The following DACH1 variants were observed in gnomAD, a reference collection of about 807,000 sequenced individuals.
DACH1 encodes dachshund homolog 1.
A neutral mutation model predicts 54.2 loss-of-function variants in DACH1; 12 were observed. The observed-to-expected ratio is 0.22, with a 90% CI of 0.14 to 0.36. The LOEUF (loss-of-function observed/expected upper bound fraction) is 0.36, where lower values mean the gene tolerates loss of function less well. DACH1 is among the 10% of genes least tolerant of loss of function. The probability of loss-of-function intolerance (pLI) is 1.00; values close to 1 mark genes in which losing one functional copy is unlikely to be tolerated. For missense variants in DACH1, 805 were observed against 929.8 expected (o/e 0.87, Z 1.75); for synonymous variants, 386 against 366.2 (o/e 1.05, Z -0.62).
intron 6 of DACH1, among the ~76,000 whole-genome samples, chr13:71,527,531 G>A (rs1882074599): frequency 6.6e-6 from 1 of 152,172 alleles, no homozygotes; most frequent in African/African-American, 2.4e-5. Context: ...TCTTATTTGA[G>A]TCTAAGTGAC....
At chr13:71,735,056 G>T (rs1045917236) in intron 1 of DACH1, among the ~76,000 whole-genome samples, 1 of 150,142 alleles carries the variant, frequency 6.7e-6, no homozygotes, top group Admixed American at 6.7e-5. Context: ...ACGTATATGG[G>T]TGATACATAT....
chr13:71,448,634 T>C lies in DACH1; in HGVS notation c.2084-7942A>G, dbSNP rs901472381. On this transcript the variant is annotated intron_variant, in intron 10 of 10. Coordinates refer to ENST00000613252, the MANE Select transcript of DACH1 (RefSeq NM_080759.6). ...CAAAGTCTACATTAAACATGAGAAA[T>C]ATTTTAGTGAGACTGATGTTCTGCA... Among the ~76,000 whole-genome samples, 21 of 152,314 alleles carry C rather than the reference T, an allele frequency of 1.4e-4. 1 individual carries two copies. Among genetic ancestry groups the C allele is most frequent in the African/African-American group, 5.1e-4 (21 of 41,576 alleles).
intron 2 of DACH1, among the ~76,000 whole-genome samples, chr13:71,670,041 C>G (rs1880116794): frequency 1.3e-5 from 2 of 150,898 alleles, no homozygotes; most frequent in Admixed American, 6.6e-5. Flanking sequence ...AAAAAAAAGT[C>G]CATGGTATTC....
chr13:71,772,495 A>C (rs1885899007), intron 1 of DACH1, among the ~76,000 whole-genome samples: 1 of 151,748 alleles, frequency 6.6e-6, no homozygotes, highest in Non-Finnish European at 1.5e-5. Context: ...AGGGATTAAA[A>C]TATAGCTTGC....
intron 1 of DACH1, among the ~76,000 whole-genome samples, chr13:71,761,229 T>C (rs1214849653): frequency 6.6e-6 from 1 of 152,202 alleles, no homozygotes. Context: ...TTTCTTAAAT[T>C]ATTACTTTAT....
intron 1 of DACH1, among the ~76,000 whole-genome samples, chr13:71,837,027 C>A (rs1223799247): frequency 6.6e-6 from 1 of 151,902 alleles, no homozygotes; most frequent in Non-Finnish European, 1.5e-5. Flanking sequence ...TACACACACA[C>A]AATTCTGAGG....
At chr13:71,737,961 G>GT (rs1277551524) in intron 1 of DACH1, among the ~76,000 whole-genome samples, 1 of 152,154 alleles carries the variant, frequency 6.6e-6, no homozygotes, top group African/African-American at 2.4e-5. Context: ...GATAAGCTCA[G>GT]TTTTTAATAT....
intron 2 of DACH1, among the ~76,000 whole-genome samples, chr13:71,637,368 G>T (rs912316441): frequency 6.6e-6 from 1 of 152,138 alleles, no homozygotes; most frequent in Non-Finnish European, 1.5e-5. Flanking sequence ...GATCCATCAT[G>T]TCTCTATGTT....
intron 2 of DACH1, among the ~76,000 whole-genome samples, chr13:71,631,634 T>C (rs906116690): frequency 6.6e-6 from 1 of 152,232 alleles, no homozygotes; most frequent in African/African-American, 2.4e-5. Context: ...CCTCTGTGAT[T>C]GATCACTATT....
At chr13:71,525,271 T>G (rs1881877250) in intron 6 of DACH1, among the ~76,000 whole-genome samples, 1 of 152,094 alleles carries the variant, frequency 6.6e-6, no homozygotes, top group African/African-American at 2.4e-5. Context: ...CCCAGCTGTA[T>G]GAGGGAAGCT....
At chr13:71,651,856 T>C (rs1432904998) in intron 2 of DACH1, among the ~76,000 whole-genome samples, 1 of 152,208 alleles carries the variant, frequency 6.6e-6, no homozygotes, top group Admixed American at 6.5e-5. Context: ...CACATACACA[T>C]ATATACAGAT....
chr13:71,456,074 T>C (rs1875537049), intron 10 of DACH1, among the ~76,000 whole-genome samples: 1 of 152,102 alleles, frequency 6.6e-6, no homozygotes, highest in Admixed American at 6.5e-5. Flanking sequence ...TCTCTATCTC[T>C]AGAAACAAAG....
At chr13:71,565,061 C>T (rs1418269625) in intron 4 of DACH1, among the ~76,000 whole-genome samples, 2 of 152,020 alleles carry the variant, frequency 1.3e-5, no homozygotes, top group African/African-American at 2.4e-5. Flanking sequence ...GCTGGGATTA[C>T]AGGCGTCTGC....
At chr13:71,761,405 G>A (rs537772984) in intron 1 of DACH1, among the ~76,000 whole-genome samples, 2 of 152,212 alleles carry the variant, frequency 1.3e-5, no homozygotes, top group East Asian at 3.9e-4. Context: ...TTTCCTATAG[G>A]TAGATTGTAA....
intron 1 of DACH1, among the ~76,000 whole-genome samples, chr13:71,828,965 C>T (rs1344715581): frequency 6.6e-6 from 1 of 152,010 alleles, no homozygotes; most frequent in East Asian, 1.9e-4. Context: ...CACTTAAATC[C>T]TGTTATCTGA....
chr13:71,710,760 T>A (rs1882685556), intron 1 of DACH1, among the ~76,000 whole-genome samples: 1 of 152,110 alleles, frequency 6.6e-6, no homozygotes, highest in Admixed American at 6.6e-5. Context: ...ACTAAAAAAT[T>A]CTTACATAAA....
At chr13:71,605,750 T>C (rs1311555456) in intron 3 of DACH1, among the ~76,000 whole-genome samples, 5 of 152,012 alleles carry the variant, frequency 3.3e-5, no homozygotes, top group Admixed American at 2.6e-4. Context: ...TATTATAATG[T>C]CCTTTTTCTT....
intron 1 of DACH1, among the ~76,000 whole-genome samples, chr13:71,751,608 T>C (rs368058576): frequency 6.6e-6 from 1 of 152,176 alleles, no homozygotes; most frequent in African/African-American, 2.4e-5. Flanking sequence ...ATGTAAGATG[T>C]AGTATGAGTA....
chr13:71,734,194 T>C (rs566049539), intron 1 of DACH1, among the ~76,000 whole-genome samples: 27 of 27,072 alleles, frequency 1.0e-3, no homozygotes, highest in Admixed American at 6.0e-3. Context: ...CCCATATACG[T>C]ATACCCATAT....
Sources: gnomAD v4.1 joint callset for allele counts (sites outside exome capture counted in the v4.1 genomes callset) on GRCh38, gnomAD v4.1.1 for gene constraint, MANE v1.5 for transcripts, NCBI Gene and HGNC (gene_info 2026-07-23, HGNC 2026-07-21) for gene names.